Variants in PTPN2 observed in about 807,000 individuals in gnomAD.
PTPN2 encodes tyrosine-protein phosphatase non-receptor type 2.
A neutral mutation model predicts 57.3 loss-of-function variants in PTPN2; 19 were observed. The ratio of observed to expected loss-of-function variants is 0.33; its 90% CI spans 0.23 to 0.49. PTPN2 has a LOEUF of 0.49. PTPN2 is among the 20% of genes least tolerant of loss of function. PTPN2 has a pLI of 0.99. For synonymous variants in PTPN2, 153 were observed against 164.9 expected (o/e 0.93, Z 0.55); for missense variants, 358 against 501.1 (o/e 0.71, Z 2.73).
intron 2 of PTPN2, among the ~76,000 whole-genome samples, chr18:12,855,893 T>C (rs972411955): frequency 2.0e-5 from 3 of 152,240 alleles, no homozygotes; most frequent in African/African-American, 7.2e-5. Context: ...TATGCTTCAC[T>C]ACATTTTTTA....
At chr18:12,867,037 A>C (rs1043265311) in intron 1 of PTPN2, among the ~76,000 whole-genome samples, 16 of 151,916 alleles carry the variant, frequency 1.1e-4, no homozygotes, top group Admixed American at 1.1e-3. Flanking sequence ...AACAAAAAAA[A>C]AAAACAAAAA....
chr18:12,807,605 A>ATATATATAT (rs1555660843), intron 7 of PTPN2, among the ~76,000 whole-genome samples: 1 of 110,514 alleles, frequency 9.0e-6, no homozygotes, highest in Non-Finnish European at 1.9e-5. Context: ...ATATATATAT[A>ATATATATAT]ATATAATACT....
chr18:12,840,305 T>A (rs2043000908), intron 2 of PTPN2, among the ~76,000 whole-genome samples: 1 of 152,198 alleles, frequency 6.6e-6, no homozygotes, highest in Non-Finnish European at 1.5e-5. Flanking sequence ...ACAACAAATA[T>A]TATGCATTCT....
chr18:12,830,195 G>C (rs189849927), intron 4 of PTPN2, among the ~76,000 whole-genome samples: 16 of 152,020 alleles, frequency 1.1e-4, no homozygotes, highest in African/African-American at 3.6e-4. Context: ...TATCATCCAG[G>C]TTGAGGTGCA....
intron 1 of PTPN2, among the ~76,000 whole-genome samples, chr18:12,883,280 A>G (rs1442213782): frequency 6.6e-6 from 1 of 152,120 alleles, no homozygotes; most frequent in African/African-American, 2.4e-5. Flanking sequence ...CTATAAAGAG[A>G]ATGACACGCT....
At chr18:12,830,915 T>G in intron 4 of PTPN2, 28 bp downstream of exon 4, 2 of 1,485,262 alleles carry the variant, frequency 1.3e-6, no homozygotes, top group Non-Finnish European at 9.4e-7. Flanking sequence ...TACAGTATAC[T>G]AAGTTGTAAA....
In PTPN2 at chr18:12,884,229, G is replaced by A. The variant is rs530872993; in HGVS notation, c.-88C>T. 5.0e-3 allele frequency: 5,025 copies of A among 1,001,038 alleles called. 28 individuals are homozygous for A. Among genetic ancestry groups the A allele is most frequent in the Middle Eastern group, 0.012 (36 of 3,022 alleles). The allele number at this position is 1,001,038 out of a possible 1,614,324, so 62.0% of individuals were successfully genotyped here. A position where few individuals can be genotyped will look rare whatever the true frequency, so the allele number is the denominator to read the frequency against. On this transcript the variant is annotated 5_prime_UTR_variant, in exon 1 of 9. Coordinates refer to ENST00000309660, the MANE Select transcript of PTPN2 (RefSeq NM_002828.4). ...GATCCGGGGAGAGCGCTGGCGCTGC[G>A]GCGCATGCGCGCTGCGCGCCGCGCC...
At chr18:12,866,737 G>A (rs1027553496) in intron 1 of PTPN2, among the ~76,000 whole-genome samples, 3 of 152,082 alleles carry the variant, frequency 2.0e-5, no homozygotes, top group African/African-American at 7.2e-5. Context: ...GGCCGGGCGT[G>A]GTGGCTCATG....
intron 1 of PTPN2, among the ~76,000 whole-genome samples, chr18:12,876,743 C>T (rs1212803821): frequency 5.3e-5 from 8 of 152,270 alleles, no homozygotes; most frequent in Non-Finnish European, 1.2e-4. Flanking sequence ...CACCTAGAAA[C>T]GAAATACCTG....
intron 2 of PTPN2, among the ~76,000 whole-genome samples, chr18:12,857,379 G>A (rs1022066825): frequency 1.3e-5 from 2 of 152,146 alleles, no homozygotes; most frequent in African/African-American, 4.8e-5. Context: ...AACCTGGATG[G>A]ACTGTATTGT....
intron 1 of PTPN2, among the ~76,000 whole-genome samples, chr18:12,875,845 A>G (rs552939997): frequency 3.3e-5 from 5 of 152,312 alleles, no homozygotes; most frequent in South Asian, 2.1e-4. Flanking sequence ...CAGGGGACTG[A>G]GAGAGCTGTA....
rs1340727846 is a variant in PTPN2 at position 12,793,784 on chromosome 18, AT to A, written c.*493del. 230 of 936,712 alleles carry A rather than the reference AT, an allele frequency of 2.5e-4. No individual in the cohort carries two copies. Among genetic ancestry groups the A allele is most frequent in the Non-Finnish European group, 2.7e-4 (213 of 784,110 alleles). The allele number at this position is 936,712 out of a possible 1,614,324, so 58.0% of individuals were successfully genotyped here. ...AAGATTAAATAGATACTTATAAAAT[AT>A]ATTTACCCTGAAATGCTTAAGAATA... On this transcript the variant is annotated 3_prime_UTR_variant, in exon 9 of 9. Coordinates refer to ENST00000309660, the MANE Select transcript of PTPN2 (RefSeq NM_002828.4).
intron 5 of PTPN2, among the ~76,000 whole-genome samples, chr18:12,820,088 C>T (rs1381120260): frequency 2.6e-5 from 4 of 152,156 alleles, no homozygotes; most frequent in Admixed American, 1.3e-4. Flanking sequence ...TGGGCAACAG[C>T]TTGCTTTCTC....
At chr18:12,807,570 A>G (rs1383798877) in intron 7 of PTPN2, among the ~76,000 whole-genome samples, 8,936 of 46,428 alleles carry the variant, frequency 0.19, 675 homozygotes, top group Non-Finnish European at 0.27. Flanking sequence ...AAAATGTGGA[A>G]AAAAAAAAAA....
intron 2 of PTPN2, among the ~76,000 whole-genome samples, chr18:12,857,054 C>A (rs1439305733): frequency 4.0e-5 from 3 of 75,786 alleles, no homozygotes; most frequent in South Asian, 8.1e-4. Flanking sequence ...GAGTGAGACA[C>A]CATCTCAAAA....
At chr18:12,874,334 C>T (rs1317104502) in intron 1 of PTPN2, among the ~76,000 whole-genome samples, 1 of 136,788 alleles carries the variant, frequency 7.3e-6, no homozygotes, top group Non-Finnish European at 1.5e-5. Flanking sequence ...CCAGCCGCCC[C>T]GTCTGGGAGG....
intron 5 of PTPN2, among the ~76,000 whole-genome samples, chr18:12,820,483 G>T: frequency 6.6e-6 from 1 of 152,026 alleles, no homozygotes; most frequent in South Asian, 2.1e-4. Flanking sequence ...GAAAAAAAAT[G>T]AGAGGGGAAA....
At chr18:12,807,600 T>TATATATATATATATATATATA (rs71174144) in intron 7 of PTPN2, among the ~76,000 whole-genome samples, 1 of 85,208 alleles carries the variant, frequency 1.2e-5, no homozygotes. Flanking sequence ...TATATATATA[T>TATATATATATATATATATATA]ATATAATATA....
intron 1 of PTPN2, among the ~76,000 whole-genome samples, chr18:12,878,695 C>T (rs962104698): frequency 6.6e-6 from 1 of 152,054 alleles, no homozygotes; most frequent in Non-Finnish European, 1.5e-5. Flanking sequence ...TGAAGTCAGT[C>T]AGGAGTTCCA....
Sources: allele counts gnomAD v4.1 joint callset (sites outside exome capture counted in the v4.1 genomes callset), GRCh38; gene constraint gnomAD v4.1.1; transcripts MANE v1.5; gene names NCBI Gene and HGNC (gene_info 2026-07-23, HGNC 2026-07-21).